MICAL2: variants seen among roughly 807,000 people sequenced by gnomAD.
MICAL2 encodes [F-actin]-monooxygenase MICAL2.
In MICAL2, 77 loss-of-function variants were observed where a neutral mutation model predicts 127.3. The observed-to-expected ratio is 0.60, with a 90% CI of 0.50 to 0.73. MICAL2 has a LOEUF of 0.73. Among genes scored for constraint, MICAL2 ranks in the 30% least tolerant of loss-of-function variants. MICAL2 has a pLI of 0.00. For synonymous variants in MICAL2, 570 were observed against 551.1 expected, an observed-to-expected ratio of 1.03 and a Z score of -0.48; for missense variants, 1,351 against 1,434.4, an observed-to-expected ratio of 0.94 and a Z score of 0.94.
chr11:12,338,140 G>GTA (rs1938799139), intron 32 of MICAL2, among the ~76,000 whole-genome samples: 1 of 152,326 alleles, frequency 6.6e-6, no homozygotes, highest in South Asian at 2.1e-4. Flanking sequence ...GTGTGCTCCT[G>GTA]TATTGGGTGC....
chr11:12,208,988 AC>A (rs1855084209), intron 5 of MICAL2, among the ~76,000 whole-genome samples: 1 of 151,680 alleles, frequency 6.6e-6, no homozygotes, highest in Non-Finnish European at 1.5e-5. Context: ...CCTCTAGTGG[AC>A]ATTAAATCTT....
At chr11:12,349,230 G>A (rs946706707) in intron 32 of MICAL2, among the ~76,000 whole-genome samples, 1 of 152,084 alleles carries the variant, frequency 6.6e-6, no homozygotes, top group Non-Finnish European at 1.5e-5. Context: ...GTTTAATAAA[G>A]GTCATAATCT....
At chr11:12,294,760 G>A, downstream of MICAL2, 2 of 1,612,450 alleles carry the variant, frequency 1.2e-6, no homozygotes, top group Non-Finnish European at 1.7e-6. Flanking sequence ...TGGAGAAGCT[G>A]CTGCAGCCTT....
At chr11:12,233,745 T>C (rs1449743669) in intron 15 of MICAL2, among the ~76,000 whole-genome samples, 1 of 152,242 alleles carries the variant, frequency 6.6e-6, no homozygotes, top group Non-Finnish European at 1.5e-5. Context: ...TTATTTATTC[T>C]CATGTTCTCT....
chr11:12,306,691 TCATATAAATGGAATCATACAG>T (rs1192493242), intron 29 of MICAL2, among the ~76,000 whole-genome samples: 1 of 152,234 alleles, frequency 6.6e-6, no homozygotes, highest in African/African-American at 2.4e-5. Flanking sequence ...TCCTAGAATG[TCATATAAATGGAATCATACAG>T]CATGTTGTCT....
At chr11:12,220,983 G>C (rs892236767) in intron 9 of MICAL2, among the ~76,000 whole-genome samples, 4 of 152,252 alleles carry the variant, frequency 2.6e-5, no homozygotes, top group African/African-American at 9.6e-5. Flanking sequence ...TCTTTAGTGT[G>C]AGCACTGATT....
At chr11:12,222,458 A>G (rs1856936357) in intron 10 of MICAL2, among the ~76,000 whole-genome samples, 159 bp from the exon 11 acceptor site, 1 of 152,056 alleles carries the variant, frequency 6.6e-6, no homozygotes, top group African/African-American at 2.4e-5. Flanking sequence ...CCCACTTTGC[A>G]GATCTCAAGA....
At chr11:12,290,855 G>T (rs1416682720), downstream of MICAL2, among the ~76,000 whole-genome samples, 1 of 152,202 alleles carries the variant, frequency 6.6e-6, no homozygotes, top group African/African-American at 2.4e-5. Context: ...CGAGAACGGT[G>T]TGGCCTCCTG....
intron 29 of MICAL2, among the ~76,000 whole-genome samples, chr11:12,308,785 A>G (rs1175346919): frequency 6.6e-6 from 1 of 152,146 alleles, no homozygotes; most frequent in Non-Finnish European, 1.5e-5. Context: ...AGAAGTGGTG[A>G]TAGTGTACAC....
At chr11:12,287,136 C>T in exon 3 of MICAL2, 1 of 398,930 alleles carries the variant, frequency 2.5e-6, no homozygotes, top group Non-Finnish European at 4.4e-6. Flanking sequence ...CAAGCAAATA[C>T]CAGAACTGGA....
downstream of MICAL2, among the ~76,000 whole-genome samples, chr11:12,289,553 CTTGTTTTTTT>C (rs1555017982): frequency 0.012 from 488 of 42,124 alleles, 3 homozygotes; most frequent in African/African-American, 0.022. Flanking sequence ...CTGGGCACCT[CTTGTTTTTTT>C]TTGTTTTTTT....
intron 24 of MICAL2, among the ~76,000 whole-genome samples, chr11:12,269,939 G>T (rs562094949): frequency 1.3e-5 from 2 of 152,336 alleles, no homozygotes; most frequent in South Asian, 2.1e-4. Flanking sequence ...CCCATCAATT[G>T]GTTCACCCCC....
downstream of MICAL2, among the ~76,000 whole-genome samples, chr11:12,264,332 A>G (rs1590712197): frequency 1.3e-5 from 2 of 152,274 alleles, no homozygotes; most frequent in East Asian, 1.9e-4. Context: ...CTGCCATCCT[A>G]AGAGACCTCT....
intron 2 of MICAL2, among the ~76,000 whole-genome samples, chr11:12,148,144 C>T (rs1853151877): frequency 6.6e-6 from 1 of 152,202 alleles, no homozygotes; most frequent in South Asian, 2.1e-4. Context: ...GCACTCACCT[C>T]CCCAGCAGCT....
chr11:12,206,209 G>C (rs191225319), intron 4 of MICAL2, among the ~76,000 whole-genome samples: 2 of 152,132 alleles, frequency 1.3e-5, no homozygotes, highest in South Asian at 2.1e-4. Flanking sequence ...AAGTTCTCTT[G>C]GGGGGCAGAA....
chr11:12,235,285 C>T lies in MICAL2; in HGVS notation c.1996-892C>T, dbSNP rs1858880953. Among the ~76,000 whole-genome samples, 3 of 152,326 alleles carry T rather than the reference C, an allele frequency of 2.0e-5. No individual in the cohort carries two copies. The South Asian group carries it at 6.2e-4, about 32-fold the overall frequency. On this transcript the variant is annotated intron_variant, in intron 15 of 27. Coordinates refer to ENST00000683283, the MANE Select transcript of MICAL2 (RefSeq NM_001282663.2). The stretch of plus-strand genomic sequence containing the variant: ...TCATTCCCTGAGGAGACAAGCCTGA[C>T]AGCCGAGTGCCCTTTGGGAGCCCTT...
downstream of MICAL2, chr11:12,358,624 T>C: frequency 1.4e-6 from 1 of 732,778 alleles, no homozygotes; most frequent in Non-Finnish European, 2.1e-6. Flanking sequence ...AAAATTCTCT[T>C]GCACGCATGG....
intron 15 of MICAL2, among the ~76,000 whole-genome samples, chr11:12,232,525 C>G (rs1858429551): frequency 6.6e-6 from 1 of 152,152 alleles, no homozygotes; most frequent in South Asian, 2.1e-4. Flanking sequence ...GAGTTCAAGA[C>G]CAGCCTGGCC....
intron 21 of MICAL2, among the ~76,000 whole-genome samples, chr11:12,247,970 C>T (rs1346921659): frequency 6.6e-6 from 1 of 152,220 alleles, no homozygotes. Flanking sequence ...TTGACAACTT[C>T]CTGGCAGGCA....
Sources: gnomAD v4.1 joint callset for allele counts (sites outside exome capture counted in the v4.1 genomes callset) on GRCh38, gnomAD v4.1.1 for gene constraint, MANE v1.5 for transcripts, NCBI Gene and HGNC (gene_info 2026-07-23, HGNC 2026-07-21) for gene names.